HUNK: variants seen among roughly 807,000 people sequenced by gnomAD.
The protein encoded by HUNK is hormonally up-regulated neu tumor-associated kinase.
HUNK carries 21 observed loss-of-function variants against 61.0 expected under a neutral mutation model. The observed-to-expected ratio is 0.34, with a 90% CI of 0.24 to 0.50. HUNK has a LOEUF of 0.50. Among genes scored for constraint, HUNK ranks in the 20% least tolerant of loss-of-function variants. The pLI is 0.98. For synonymous variants in HUNK, 371 were observed against 386.1 expected (o/e 0.96, Z 0.46); for missense variants, 772 against 945.7 (o/e 0.82, Z 2.41).
chr21:31,895,952 G>T (rs140278014), intron 1 of HUNK, among the ~76,000 whole-genome samples: 1 of 152,310 alleles, frequency 6.6e-6, no homozygotes, highest in Non-Finnish European at 1.5e-5. Context: ...ATCATAAAGA[G>T]GTAACTAAGG....
Position 32,004,011 on chromosome 21 carries a change from G to A in HUNK, c.*4827G>A, listed in dbSNP as rs2053262234. On this transcript the variant is annotated 3_prime_UTR_variant, in exon 11 of 11. Transcript: ENST00000270112. ...GTTGAGTGGTTTAAAACTTAAAGAT[G>A]GCACAGGAAGCTGTATCATTTACAG... 1 of 152,108 alleles carries A rather than the reference G, an allele frequency of 6.6e-6. No individual in the cohort carries two copies. Among genetic ancestry groups the A allele is most frequent in the African/African-American group, 2.4e-5 (1 of 41,406 alleles). The allele number at this position is 152,108 out of a possible 1,614,324, so 9.4% of individuals were successfully genotyped here. A position where few individuals can be genotyped will look rare whatever the true frequency, so the allele number is the denominator to read the frequency against.
intron 7 of HUNK, among the ~76,000 whole-genome samples, chr21:31,980,782 G>T (rs770501100): frequency 1.3e-5 from 2 of 151,824 alleles, no homozygotes; most frequent in South Asian, 2.1e-4. Context: ...TCCATTCATC[G>T]CAACCTCCGT....
chr21:31,874,503 G>A (rs1601352667), intron 1 of HUNK, among the ~76,000 whole-genome samples: 1 of 151,886 alleles, frequency 6.6e-6, no homozygotes, highest in East Asian at 2.0e-4. Context: ...AATTTTTCGT[G>A]CTCAGAGGAG....
chr21:31,950,300 G>A (rs2052840574), intron 4 of HUNK, among the ~76,000 whole-genome samples: 1 of 151,930 alleles, frequency 6.6e-6, no homozygotes, highest in South Asian at 2.1e-4. Flanking sequence ...TGTCAGGGAA[G>A]AAGGCCAGGA....
At chr21:31,880,730 G>A (rs994772458) in intron 1 of HUNK, among the ~76,000 whole-genome samples, 4 of 152,168 alleles carry the variant, frequency 2.6e-5, no homozygotes, top group Non-Finnish European at 4.4e-5. Context: ...GGTATCTTTT[G>A]GGGGAGCATA....
intron 1 of HUNK, among the ~76,000 whole-genome samples, chr21:31,901,270 G>T (rs1163878088): frequency 6.6e-6 from 1 of 152,168 alleles, no homozygotes; most frequent in African/African-American, 2.4e-5. Context: ...AGAGTCTGGG[G>T]TGTGTCTGCT....
intron 9 of HUNK, among the ~76,000 whole-genome samples, chr21:31,993,844 C>A: frequency 6.6e-6 from 1 of 152,128 alleles, no homozygotes; most frequent in East Asian, 1.9e-4. Flanking sequence ...CGTCCTGGAG[C>A]ACATAACCTT....
At chr21:31,875,976 G>T (rs1289805735) in intron 1 of HUNK, among the ~76,000 whole-genome samples, 1 of 152,174 alleles carries the variant, frequency 6.6e-6, no homozygotes, top group African/African-American at 2.4e-5. Flanking sequence ...CTCAGCCAGC[G>T]CTTGGGTTCT....
chr21:31,968,658 C>A (rs1000648205), intron 6 of HUNK, among the ~76,000 whole-genome samples: 3 of 151,818 alleles, frequency 2.0e-5, no homozygotes, highest in African/African-American at 7.3e-5. Flanking sequence ...TGTATCTTCC[C>A]AGGGGTTGCC....
At chr21:31,972,541 C>G (rs937505810) in intron 6 of HUNK, among the ~76,000 whole-genome samples, 9 of 152,176 alleles carry the variant, frequency 5.9e-5, no homozygotes, top group Admixed American at 5.9e-4. Context: ...CCTCTCCTTT[C>G]CATGCTGCTG....
intron 1 of HUNK, among the ~76,000 whole-genome samples, chr21:31,877,180 AT>A (rs951713361): frequency 6.6e-6 from 1 of 152,094 alleles, no homozygotes; most frequent in Non-Finnish European, 1.5e-5. Context: ...GTTTTGGGTG[AT>A]TTGTGCTAAA....
At chr21:31,895,465 A>T (rs961249887) in intron 1 of HUNK, among the ~76,000 whole-genome samples, 13 of 152,212 alleles carry the variant, frequency 8.5e-5, no homozygotes, top group African/African-American at 3.1e-4. Flanking sequence ...TGACAATTAC[A>T]TGCAAGTGGA....
intron 6 of HUNK, among the ~76,000 whole-genome samples, chr21:31,969,119 C>T (rs1038000513): frequency 6.6e-5 from 10 of 151,934 alleles, no homozygotes; most frequent in South Asian, 2.1e-4. Flanking sequence ...TCAAGTGATC[C>T]GCCTGCCTTG....
Position 31,910,796 on chromosome 21 carries a change from C to T in HUNK, c.262-13672C>T, listed in dbSNP as rs1225283781. The stretch of plus-strand genomic sequence containing the variant: ...TCTGATACCAGAGTCCAAGGATGCT[C>T]AAGTTCTTGATAACAAATAGTGTCA... On this transcript the variant is annotated intron_variant, in intron 1 of 10. Transcript: ENST00000270112. Among the ~76,000 whole-genome samples, 10 of 152,174 alleles carry T rather than the reference C, an allele frequency of 6.6e-5. No homozygotes were observed. In the East Asian group the frequency reaches 1.9e-3, roughly 29 times the overall value.
intron 4 of HUNK, among the ~76,000 whole-genome samples, chr21:31,949,403 A>G (rs1244262153): frequency 6.6e-6 from 1 of 152,296 alleles, no homozygotes; most frequent in Non-Finnish European, 1.5e-5. Context: ...GAGGAAATCC[A>G]TTATGGATTT....
At chr21:31,902,250 C>A (rs2052473509) in intron 1 of HUNK, among the ~76,000 whole-genome samples, 1 of 152,170 alleles carries the variant, frequency 6.6e-6, no homozygotes. Context: ...GTGGCTCACA[C>A]CTGTAATCCC....
chr21:31,974,645 C>G lies in HUNK; in HGVS notation c.1101C>G (p.Leu367=). The change falls in exon 7 of 11, where the codon CTC becomes CTG. Residue 367 remains leucine, a synonymous_variant. Transcript: ENST00000270112. ...YKNSDVINTV[L]SNRACHILAI... ...ACAGCGACGTGATCAACACTGTGCTCTCCAACCGCGCCTGCCACATCCTGG... is the reference window on the plus strand; with the variant it reads ...ACAGCGACGTGATCAACACTGTGCTGTCCAACCGCGCCTGCCACATCCTGG... 4 of 1,613,862 alleles carry G rather than the reference C, an allele frequency of 2.5e-6. No homozygotes were observed. Among genetic ancestry groups the G allele is most frequent in the Non-Finnish European group, 3.4e-6 (4 of 1,179,980 alleles).
rs1267661774 is a variant in HUNK, at chr21:32,000,899, A to G, written c.*1715A>G. 90 of 397,408 alleles carry G rather than the reference A, an allele frequency of 2.3e-4. 1 individual carries two copies. Among genetic ancestry groups the G allele is most frequent in the Non-Finnish European group, 5.3e-5 (12 of 225,860 alleles). The allele number at this position is 397,408 out of a possible 1,614,324, so 24.6% of individuals were successfully genotyped here. A position where few individuals can be genotyped will look rare whatever the true frequency, so the allele number is the denominator to read the frequency against. On this transcript the variant is annotated 3_prime_UTR_variant, in exon 11 of 11. Coordinates refer to ENST00000270112, the MANE Select transcript of HUNK (RefSeq NM_014586.2). ...GATCACCACGGCTCTAGGGCATTCT[A>G]GGATGAGGTCAGACCCCTTGGCCAT...
chr21:31,894,546 G>T (rs2052412632), intron 1 of HUNK, among the ~76,000 whole-genome samples: 1 of 152,092 alleles, frequency 6.6e-6, no homozygotes, highest in African/African-American at 2.4e-5. Flanking sequence ...CAGAGCTGCT[G>T]GTAACCTGTA....
Sources: allele counts gnomAD v4.1 joint callset (sites outside exome capture counted in the v4.1 genomes callset), GRCh38; gene constraint gnomAD v4.1.1; transcripts MANE v1.5; gene names NCBI Gene and HGNC (gene_info 2026-07-23, HGNC 2026-07-21).